The following PROM1 variants were observed in gnomAD, a reference collection of about 807,000 sequenced individuals.
PROM1 encodes prominin-1.
Under a neutral mutation model 116.9 loss-of-function variants are expected in PROM1, and 105 were observed. The observed-to-expected ratio is 0.90, with a 90% CI of 0.77 to 1.06. PROM1 has a LOEUF of 1.06. Among genes scored for constraint, PROM1 ranks in the 50% least tolerant of loss-of-function variants. The probability of loss-of-function intolerance (pLI) is 0.00; values close to 1 mark genes in which losing one functional copy is unlikely to be tolerated. For synonymous variants in PROM1, 393 were observed against 387.0 expected (o/e 1.02, Z -0.18); for missense variants, 1,122 against 1,045.2 (o/e 1.07, Z -1.01).
At chr4:15,991,709 C>A (rs2149116834) in intron 17 of PROM1, among the ~76,000 whole-genome samples, 1 of 150,762 alleles carries the variant, frequency 6.6e-6, no homozygotes, top group South Asian at 2.1e-4. Flanking sequence ...CCGAGGTGGG[C>A]AGATCACAGG....
intron 2 of PROM1, among the ~76,000 whole-genome samples, chr4:16,040,904 A>T (rs2149419485): frequency 6.6e-6 from 1 of 152,326 alleles, no homozygotes; most frequent in East Asian, 1.9e-4. Context: ...CTTACAAAAC[A>T]AAAGCAAACA....
intron 27 of PROM1, among the ~76,000 whole-genome samples, chr4:15,969,641 C>T (rs1167186259): frequency 6.6e-6 from 1 of 152,130 alleles, no homozygotes; most frequent in Non-Finnish European, 1.5e-5. Flanking sequence ...GGCTGGAGTG[C>T]AATGGCGCGA....
intron 9 of PROM1, among the ~76,000 whole-genome samples, chr4:16,017,271 C>T (rs1728630019): frequency 6.6e-6 from 1 of 151,974 alleles, no homozygotes; most frequent in South Asian, 2.1e-4. Context: ...AGAATGTGGC[C>T]AAAGGGTGTG....
chr4:16,041,777 AATAAATAAATAT>A (rs1366153549), intron 2 of PROM1, among the ~76,000 whole-genome samples: 2,513 of 26,620 alleles, frequency 0.094, 60 homozygotes, highest in African/African-American at 0.19. Flanking sequence ...TAAATAAATA[AATAAATAAATAT>A]ATATATATAT....
chr4:16,075,880 C>A lies in PROM1; in HGVS notation c.27G>T (p.Leu9Phe). ...AGGAGTTCCCGCACAGCCCCAGCAG[C>A]AACAGGGAGCCGAGTACGAGGGCCA... MALVLGSL[L>F]LLGLCGNSFS... The change falls in exon 2 of 28, where the codon TTG becomes TTT. Residue 9 changes from leucine (L) to phenylalanine (F), a missense_variant. Coordinates refer to ENST00000447510, the MANE Select transcript of PROM1 (RefSeq NM_006017.3). The A allele has an allele frequency of 6.2e-7, 1 of 1,612,950 alleles. No homozygotes were observed. The highest frequency in any genetic ancestry group is 8.5e-7 in the Non-Finnish European group (1 of 1,179,368).
chr4:16,052,463 C>A (rs180695768), intron 2 of PROM1, among the ~76,000 whole-genome samples: 140 of 152,306 alleles, frequency 9.2e-4, no homozygotes, highest in African/African-American at 3.1e-3. Context: ...CACTTTACAG[C>A]ACTATAGTAA....
At chr4:15,987,516 G>C in intron 20 of PROM1, 147 bp downstream of exon 20, 1 of 823,128 alleles carries the variant, frequency 1.2e-6, no homozygotes, top group Non-Finnish European at 2.0e-6. Flanking sequence ...GGAAATAGTA[G>C]GAAAGCCCAA....
At chr4:16,003,237 T>C (rs758329287) in intron 13 of PROM1, 1 of 454,688 alleles carries the variant, frequency 2.2e-6, no homozygotes, top group Non-Finnish European at 4.4e-6. Context: ...ACTTGGCCAC[T>C]CTTCTACAGC....
intron 20 of PROM1, among the ~76,000 whole-genome samples, chr4:15,987,007 C>A (rs1239333838): frequency 6.6e-6 from 1 of 152,208 alleles, no homozygotes; most frequent in Non-Finnish European, 1.5e-5. Flanking sequence ...CCACACATGG[C>A]CCCTGTGGTA....
chr4:15,992,549 T>A (rs1460538151), intron 16 of PROM1, among the ~76,000 whole-genome samples, 158 bp from the exon 17 acceptor site: 3 of 151,966 alleles, frequency 2.0e-5, no homozygotes, highest in African/African-American at 7.3e-5. Flanking sequence ...GCTCAGGAGT[T>A]CAAAACCAGC....
chr4:16,073,279 T>C (rs1743205273), intron 2 of PROM1, among the ~76,000 whole-genome samples: 2 of 152,228 alleles, frequency 1.3e-5, no homozygotes, highest in African/African-American at 2.4e-5. Context: ...GTTTGGTTAA[T>C]GTACTAAGGT....
intron 19 of PROM1, among the ~76,000 whole-genome samples, 191 bp from the exon 20 acceptor site, chr4:15,987,907 C>T (rs1198807091): frequency 7.4e-6 from 1 of 135,350 alleles, no homozygotes; most frequent in Non-Finnish European, 1.5e-5. Context: ...GATGGAGTCT[C>T]GCTCTGTCAC....
chr4:16,027,323 C>A (rs564028864), intron 5 of PROM1, among the ~76,000 whole-genome samples: 6 of 151,782 alleles, frequency 4.0e-5, no homozygotes, highest in African/African-American at 9.7e-5. Flanking sequence ...CACACACACA[C>A]AAAAGTTGAG....
chr4:16,017,882 C>G (rs16892805), intron 9 of PROM1, among the ~76,000 whole-genome samples: 19,707 of 152,032 alleles, frequency 0.13, 1,433 homozygotes, highest in African/African-American at 0.17. Context: ...TAGACATGGT[C>G]ATTTTACCTA....
chr4:15,978,140 G>A (rs894238069), intron 26 of PROM1, among the ~76,000 whole-genome samples: 1 of 152,154 alleles, frequency 6.6e-6, no homozygotes, highest in East Asian at 1.9e-4. Flanking sequence ...ACCGGACACC[G>A]AATCTGATGG....
intron 2 of PROM1, among the ~76,000 whole-genome samples, chr4:16,054,059 A>G (rs1381604990): frequency 6.6e-6 from 1 of 152,186 alleles, no homozygotes; most frequent in Non-Finnish European, 1.5e-5. Context: ...GTGCCACTGC[A>G]CTCCAGCCTG....
rs200545555 is a variant in PROM1 at position 15,998,457 on chromosome 4, T to C, written c.1610A>G (p.Asp537Gly). The C allele has an allele frequency of 4.0e-4, 648 of 1,608,760 alleles. No homozygotes were observed. Among genetic ancestry groups the C allele is most frequent in the Admixed American group, 2.4e-3 (144 of 58,784 alleles). The change falls in exon 15 of 28, where the codon GAC (aspartate) becomes GGC (glycine). Residue 537 changes from aspartate to glycine, a missense_variant. Transcript: ENST00000447510. Reference sequence around the variant, plus strand: ...CTTCCCAGAGAGATAGTATTCCCAGTCTTCATTTAGTAAGTAGGGTGTATC... The same window carrying C: ...CTTCCCAGAGAGATAGTATTCCCAGCCTTCATTTAGTAAGTAGGGTGTATC... The part of the protein sequence containing the change: ...VLDTPYLLNE[D>G]WEYYLSGKLF...
intron 23 of PROM1, among the ~76,000 whole-genome samples, chr4:15,983,288 T>C (rs1718429494): frequency 6.6e-6 from 1 of 152,210 alleles, no homozygotes. Context: ...CATTGAGTGC[T>C]GATGTTCCAA....
intron 13 of PROM1, chr4:16,003,489 T>C (rs566401248): frequency 6.7e-6 from 3 of 447,330 alleles, no homozygotes; most frequent in South Asian, 3.1e-5. Context: ...TTGTGATACC[T>C]GTGGCTGCTC....
Sources: allele counts gnomAD v4.1 joint callset (sites outside exome capture counted in the v4.1 genomes callset), GRCh38; gene constraint gnomAD v4.1.1; transcripts MANE v1.5; gene names NCBI Gene and HGNC (gene_info 2026-07-23, HGNC 2026-07-21).